Variants in CACNA2D1 observed in about 807,000 individuals in gnomAD.
CACNA2D1 encodes calcium voltage-gated channel auxiliary subunit alpha2delta 1, also known as voltage-dependent calcium channel subunit alpha-2/delta-1.
In CACNA2D1, 53 loss-of-function variants were observed where a neutral mutation model predicts 171.5. The ratio of observed to expected loss-of-function variants is 0.31; its 90% CI spans 0.25 to 0.39. The LOEUF (loss-of-function observed/expected upper bound fraction) is 0.39, where lower values mean the gene tolerates loss of function less well. Among genes scored for constraint, CACNA2D1 ranks in the 10% least tolerant of loss-of-function variants. CACNA2D1 has a pLI of 1.00. For missense variants in CACNA2D1, 903 were observed against 1,299.8 expected, an observed-to-expected ratio of 0.69 and a Z score of 4.69; for synonymous variants, 442 against 443.1, an observed-to-expected ratio of 1.00 and a Z score of 0.03.
intron 21 of CACNA2D1, among the ~76,000 whole-genome samples, chr7:81,990,075 TA>T (rs144413491): frequency 0.018 from 2,700 of 152,090 alleles, 37 homozygotes; most frequent in Middle Eastern, 0.034. Context: ...GTGACTAAGG[TA>T]GGGGGGTGAC....
At chr7:82,146,185 T>C (rs1170763507) in intron 4 of CACNA2D1, among the ~76,000 whole-genome samples, 2 of 151,592 alleles carry the variant, frequency 1.3e-5, no homozygotes, top group East Asian at 3.9e-4. Context: ...GCAAAGATAC[T>C]CATGTACTAC....
intron 5 of CACNA2D1, among the ~76,000 whole-genome samples, chr7:82,136,278 C>T (rs891783888): frequency 1.3e-5 from 2 of 151,968 alleles, no homozygotes; most frequent in Admixed American, 1.3e-4. Context: ...AGCAGATAGG[C>T]GTGGTGACCC....
intron 2 of CACNA2D1, among the ~76,000 whole-genome samples, chr7:82,340,534 G>A (rs752973733): frequency 6.6e-6 from 1 of 151,596 alleles, no homozygotes; most frequent in Non-Finnish European, 1.5e-5. Flanking sequence ...TCCTAATAAT[G>A]AAAAATTCTA....
At chr7:82,304,956 G>A (rs1813532620) in intron 3 of CACNA2D1, among the ~76,000 whole-genome samples, 1 of 152,080 alleles carries the variant, frequency 6.6e-6, no homozygotes, top group Non-Finnish European at 1.5e-5. Flanking sequence ...TTCTATGCAT[G>A]TAACAAAATA....
intron 7 of CACNA2D1, among the ~76,000 whole-genome samples, chr7:82,071,108 A>T (rs1335321825): frequency 6.6e-6 from 1 of 152,182 alleles, no homozygotes; most frequent in Non-Finnish European, 1.5e-5. Context: ...CACAAACCTG[A>T]TCTGCGGCAA....
intron 3 of CACNA2D1, among the ~76,000 whole-genome samples, chr7:82,298,151 T>C (rs1395444820): frequency 1.3e-5 from 2 of 152,180 alleles, no homozygotes; most frequent in Non-Finnish European, 2.9e-5. Context: ...ATTTTTAAAA[T>C]GCTCCAGTAG....
intron 3 of CACNA2D1, among the ~76,000 whole-genome samples, chr7:82,273,902 C>G (rs1040823970): frequency 6.6e-5 from 10 of 152,130 alleles, no homozygotes; most frequent in African/African-American, 2.4e-4. Flanking sequence ...TCATTTTCTA[C>G]TTTGCACTTA....
At chr7:82,133,745 AATG>A (rs1791277919) in intron 5 of CACNA2D1, among the ~76,000 whole-genome samples, 1 of 152,154 alleles carries the variant, frequency 6.6e-6, no homozygotes, top group Non-Finnish European at 1.5e-5. Flanking sequence ...CAAGATAAAA[AATG>A]ATTATGCCAC....
intron 3 of CACNA2D1, among the ~76,000 whole-genome samples, chr7:82,266,258 G>A: frequency 6.6e-6 from 1 of 152,188 alleles, no homozygotes; most frequent in East Asian, 1.9e-4. Context: ...ACAAGTGCAG[G>A]GTGCTATTTG....
At chr7:82,114,626 C>A (rs1396598958) in intron 6 of CACNA2D1, among the ~76,000 whole-genome samples, 2 of 151,870 alleles carry the variant, frequency 1.3e-5, no homozygotes, top group Non-Finnish European at 2.9e-5. Context: ...CATGGTGGTG[C>A]ATGCCTGTAA....
chr7:82,173,953 G>C (rs951876807), intron 3 of CACNA2D1, among the ~76,000 whole-genome samples: 1 of 148,692 alleles, frequency 6.7e-6, no homozygotes, highest in African/African-American at 2.5e-5. Context: ...TGAGGCAGGA[G>C]GGTCACTTGA....
At chr7:82,129,998 T>G (rs1041256023) in intron 5 of CACNA2D1, among the ~76,000 whole-genome samples, 1 of 152,204 alleles carries the variant, frequency 6.6e-6, no homozygotes, top group Non-Finnish European at 1.5e-5. Flanking sequence ...AAGGTTGGGA[T>G]AGTAGGGAAA....
chr7:82,308,358 C>T (rs1209941233), intron 3 of CACNA2D1, among the ~76,000 whole-genome samples: 9 of 152,164 alleles, frequency 5.9e-5, no homozygotes, highest in East Asian at 5.8e-4. Flanking sequence ...CTTCTAGGAA[C>T]GCTGATATGC....
chr7:82,231,693 C>T (rs977651378), intron 3 of CACNA2D1, among the ~76,000 whole-genome samples: 2 of 152,070 alleles, frequency 1.3e-5, no homozygotes, highest in African/African-American at 4.8e-5. Context: ...CTCTTCACCT[C>T]ACCCATCCCA....
chr7:82,319,807 T>A lies in CACNA2D1; in HGVS notation c.294+15328A>T, dbSNP rs111855424. 8.8e-3 allele frequency among the ~76,000 whole-genome samples: 1,342 copies of A among 152,186 alleles called. 28 individuals carry two copies. The South Asian group carries it at 0.095, about 11-fold the overall frequency. ...GTAGCTGTAATTGGGGAGTAATGAG[T>A]CCTGAGACTAAATGAATAAATTAAC... On this transcript the variant is annotated intron_variant, in intron 3 of 38. Transcript: ENST00000356860.
chr7:82,385,944 C>T (rs1241377700), intron 1 of CACNA2D1, among the ~76,000 whole-genome samples: 1 of 152,074 alleles, frequency 6.6e-6, no homozygotes, highest in African/African-American at 2.4e-5. Context: ...GGATTACAGG[C>T]GTGAACCACC....
At chr7:82,249,215 G>A (rs924838585) in intron 3 of CACNA2D1, among the ~76,000 whole-genome samples, 2 of 152,192 alleles carry the variant, frequency 1.3e-5, no homozygotes, top group Non-Finnish European at 2.9e-5. Context: ...AGATGTAACC[G>A]GGGTAAAAGA....
intron 10 of CACNA2D1, among the ~76,000 whole-genome samples, chr7:82,052,789 A>G (rs1015318522): frequency 6.6e-6 from 1 of 152,222 alleles, no homozygotes; most frequent in Admixed American, 6.5e-5. Context: ...ATCTAGAATC[A>G]TGAATGAAGA....
chr7:81,947,057 A>C lies in CACNA2D1; in HGVS notation c.*3335T>G, dbSNP rs1792101786. 6.6e-6 allele frequency: 1 copy of C among 152,058 alleles called. No individual in the cohort carries two copies. Among genetic ancestry groups the C allele is most frequent in the Non-Finnish European group, 1.5e-5 (1 of 67,928 alleles). The allele number at this position is 152,058 out of a possible 1,614,324, so 9.4% of individuals were successfully genotyped here. On this transcript the variant is annotated 3_prime_UTR_variant, in exon 39 of 39. Transcript: ENST00000356860. Reference sequence around the variant, plus strand: ...AACATCCATTTTGTTTCACTAGGTCAGACTATACCATTAAACATTTGAACG... The same window carrying C: ...AACATCCATTTTGTTTCACTAGGTCCGACTATACCATTAAACATTTGAACG...
Sources: gnomAD v4.1 joint callset for allele counts (sites outside exome capture counted in the v4.1 genomes callset) on GRCh38, gnomAD v4.1.1 for gene constraint, MANE v1.5 for transcripts, NCBI Gene and HGNC (gene_info 2026-07-23, HGNC 2026-07-21) for gene names.